PDE4D: variants seen among roughly 807,000 people sequenced by gnomAD.
PDE4D encodes 3',5'-cyclic-AMP phosphodiesterase 4D.
A neutral mutation model predicts 87.4 loss-of-function variants in PDE4D; 24 were observed. The observed-to-expected ratio is 0.27, with a 90% CI of 0.20 to 0.39. The LOEUF (loss-of-function observed/expected upper bound fraction) is 0.39, where lower values mean the gene tolerates loss of function less well. Ranked by LOEUF, PDE4D falls within the 10% of genes least tolerant of loss-of-function variation. The pLI is 1.00. For missense variants in PDE4D, 714 were observed against 1,041.0 expected (o/e 0.69, Z 4.32); for synonymous variants, 384 against 383.2 (o/e 1.00, Z -0.02).
At chr5:59,869,248 T>C (rs1003218) in intron 1 of PDE4D, among the ~76,000 whole-genome samples, 12,004 of 152,182 alleles carry the variant, frequency 0.079, 527 homozygotes, top group Middle Eastern at 0.17. Flanking sequence ...CAGAGACACA[T>C]AATCAGAAAA....
chr5:59,371,444 T>C (rs1336267616), intron 1 of PDE4D, among the ~76,000 whole-genome samples: 1 of 152,222 alleles, frequency 6.6e-6, no homozygotes, highest in East Asian at 1.9e-4. Context: ...TTTCCCAGTA[T>C]TCAAGACACT....
intron 1 of PDE4D, among the ~76,000 whole-genome samples, chr5:59,431,173 A>C (rs918965564): frequency 2.0e-5 from 3 of 152,176 alleles, no homozygotes; most frequent in African/African-American, 7.2e-5. Flanking sequence ...GATCTATGGA[A>C]TCATTGATAG....
intron 1 of PDE4D, among the ~76,000 whole-genome samples, chr5:60,249,009 T>C (rs983791931): frequency 6.6e-6 from 1 of 152,014 alleles, no homozygotes; most frequent in African/African-American, 2.4e-5. Flanking sequence ...CTTCTGTTTC[T>C]TGCCAAAGAC....
chr5:58,969,530 C>A lies in PDE4D; in HGVS notation c.*5134G>T, dbSNP rs891912625. On this transcript the variant is annotated 3_prime_UTR_variant, in exon 15 of 15. Coordinates refer to ENST00000340635, the MANE Select transcript of PDE4D (RefSeq NM_001104631.2). The stretch of plus-strand genomic sequence containing the variant: ...TCCTTCAGAACTCAGATGCAAATCA[C>A]TTTCTCAAGGCCTCAAGGAAGCCTT... 6 of 152,180 alleles carry A rather than the reference C, an allele frequency of 3.9e-5. No individual in the cohort carries two copies. Among genetic ancestry groups the A allele is most frequent in the African/African-American group, 1.4e-4 (6 of 41,438 alleles). The allele number at this position is 152,180 out of a possible 1,614,324, so 9.4% of individuals were successfully genotyped here.
At chr5:59,849,218 TA>T (rs1216031661) in intron 1 of PDE4D, among the ~76,000 whole-genome samples, 1 of 151,708 alleles carries the variant, frequency 6.6e-6, no homozygotes, top group East Asian at 1.9e-4. Context: ...TCTGGAAAAC[TA>T]AAAAAAATTA....
At chr5:60,105,352 T>C (rs1776764507) in intron 2 of PDE4D, among the ~76,000 whole-genome samples, 1 of 152,074 alleles carries the variant, frequency 6.6e-6, no homozygotes, top group Admixed American at 6.5e-5. Context: ...CCAAGAAATA[T>C]GGGACTATGT....
At chr5:59,642,906 CAATAT>C (rs774305302) in intron 1 of PDE4D, among the ~76,000 whole-genome samples, 22 of 152,100 alleles carry the variant, frequency 1.4e-4, no homozygotes, top group South Asian at 6.2e-4. Flanking sequence ...TAGGTAAAAT[CAATAT>C]AACAAAAAAT....
chr5:60,387,062 C>T (rs1762242604), intron 1 of PDE4D, among the ~76,000 whole-genome samples: 2 of 152,154 alleles, frequency 1.3e-5, no homozygotes, highest in African/African-American at 4.8e-5. Flanking sequence ...TTGGGTGTTG[C>T]CTCTCATCAC....
chr5:60,372,242 G>A (rs1389234472), intron 1 of PDE4D, among the ~76,000 whole-genome samples: 1 of 151,828 alleles, frequency 6.6e-6, no homozygotes, highest in Non-Finnish European at 1.5e-5. Context: ...GAGCCACCCT[G>A]CTTTCTTAAG....
chr5:60,164,711 C>T (rs34563617), intron 2 of PDE4D, among the ~76,000 whole-genome samples: 8,838 of 152,186 alleles, frequency 0.058, 291 homozygotes, highest in Middle Eastern at 0.085. Context: ...ATTAATTATT[C>T]TGGGATTCCT....
chr5:59,018,719 C>A (rs34054950), intron 6 of PDE4D, among the ~76,000 whole-genome samples: 15,502 of 152,034 alleles, frequency 0.1, 1,007 homozygotes, highest in Non-Finnish European at 0.13. Context: ...TAATAATTCA[C>A]AAAAGTGTTG....
intron 2 of PDE4D, among the ~76,000 whole-genome samples, chr5:60,099,658 T>A (rs987742471): frequency 8.6e-5 from 13 of 151,824 alleles, no homozygotes; most frequent in African/African-American, 2.9e-4. Flanking sequence ...CAGGTTCATC[T>A]ATAAGAATAG....
At chr5:59,107,432 C>T (rs190675812) in intron 5 of PDE4D, among the ~76,000 whole-genome samples, 1 of 152,314 alleles carries the variant, frequency 6.6e-6, no homozygotes, top group Admixed American at 6.5e-5. Flanking sequence ...TGGTCTCGAA[C>T]TCCCAACCTT....
intron 1 of PDE4D, among the ~76,000 whole-genome samples, chr5:60,400,789 G>A (rs11738158): frequency 9.4e-5 from 14 of 149,598 alleles, no homozygotes; most frequent in Non-Finnish European, 1.5e-4. Context: ...AAAATTAGCC[G>A]GGCGTGGTGG....
chr5:60,216,617 GT>G (rs1481063223), intron 1 of PDE4D, among the ~76,000 whole-genome samples: 2 of 152,034 alleles, frequency 1.3e-5, no homozygotes, highest in Non-Finnish European at 2.9e-5. Flanking sequence ...CATGTAAAGA[GT>G]TAACCAAAAG....
At chr5:60,455,332 A>T (rs891437666) in intron 1 of PDE4D, among the ~76,000 whole-genome samples, 65 of 152,324 alleles carry the variant, frequency 4.3e-4, no homozygotes, top group African/African-American at 1.4e-3. Flanking sequence ...AATTAGCACA[A>T]GAGAAATTCC....
At chr5:59,933,558 A>G (rs181047027) in intron 3 of PDE4D, among the ~76,000 whole-genome samples, 173 of 152,334 alleles carry the variant, frequency 1.1e-3, no homozygotes, top group African/African-American at 4.0e-3. Context: ...GAAATTATCT[A>G]TGTCCTCACA....
chr5:59,426,533 G>GA (rs1201482400), intron 1 of PDE4D, among the ~76,000 whole-genome samples: 3 of 152,206 alleles, frequency 2.0e-5, no homozygotes, highest in Admixed American at 1.3e-4. Flanking sequence ...TCACCAGAAA[G>GA]AGGGAGCACA....
intron 2 of PDE4D, among the ~76,000 whole-genome samples, chr5:60,114,963 TGGATGGATGGATGGATGGCTA>T (rs1236327851): frequency 9.3e-6 from 1 of 107,784 alleles, no homozygotes. Flanking sequence ...GATGGATGGA[TGGATGGATGGATGGATGGCTA>T]GATAATACTT....
Sources: gnomAD v4.1 joint callset for allele counts (sites outside exome capture counted in the v4.1 genomes callset) on GRCh38, gnomAD v4.1.1 for gene constraint, MANE v1.5 for transcripts, NCBI Gene and HGNC (gene_info 2026-07-23, HGNC 2026-07-21) for gene names.